The following KIAA0825 variants were observed in gnomAD, a reference collection of about 807,000 sequenced individuals.
KIAA0825 encodes the protein uncharacterized protein KIAA0825.
Under a neutral mutation model 147.6 loss-of-function variants are expected in KIAA0825, and 119 were observed. The ratio of observed to expected loss-of-function variants is 0.81; its 90% CI spans 0.69 to 0.94. The LOEUF is 0.94. Among genes scored for constraint, KIAA0825 ranks in the 40% least tolerant of loss-of-function variants. KIAA0825 has a pLI of 0.00. For synonymous variants in KIAA0825, 470 were observed against 518.1 expected, an observed-to-expected ratio of 0.91 and a Z score of 1.26; for missense variants, 1,381 against 1,472.7, an observed-to-expected ratio of 0.94 and a Z score of 1.02.
chr5:94,340,823 A>G (rs1782294004), intron 20 of KIAA0825, among the ~76,000 whole-genome samples: 1 of 152,248 alleles, frequency 6.6e-6, no homozygotes, highest in African/African-American at 2.4e-5. Context: ...GTAAAATATA[A>G]TAAAATTTTA....
intron 20 of KIAA0825, among the ~76,000 whole-genome samples, chr5:94,183,227 C>A (rs1266149144): frequency 6.6e-6 from 1 of 152,098 alleles, no homozygotes; most frequent in Non-Finnish European, 1.5e-5. Flanking sequence ...ATATACAAAA[C>A]CATGACAACT....
In KIAA0825 at chr5:94,465,026, G is replaced by A. The variant is rs1760307940; in HGVS notation, c.1906C>T (p.His636Tyr). The change falls in exon 11 of 21, where the codon CAT (histidine) becomes TAT (tyrosine). Residue 636 changes from histidine (H) to tyrosine (Y), a missense_variant. By Grantham distance (83) the His-to-Tyr change is moderately conservative. Coordinates refer to ENST00000682413, the MANE Select transcript of KIAA0825 (RefSeq NM_001145678.3). ...ERCSFSIQMW[H>Y]YFCWSLHYDL... The stretch of plus-strand genomic sequence containing the variant: ...TAATGAAGAGACCAGCAGAAATAAT[G>A]CCACATCTGGATCGAGAAGGAACAT... 6.4e-7 allele frequency: 1 copy of A among 1,551,494 alleles called. No individual in the cohort carries two copies. The highest frequency in any genetic ancestry group is 8.7e-7 in the Non-Finnish European group (1 of 1,146,962).
At chr5:94,199,349 G>T (rs1203557333) in intron 20 of KIAA0825, among the ~76,000 whole-genome samples, 4 of 152,166 alleles carry the variant, frequency 2.6e-5, no homozygotes, top group Non-Finnish European at 5.9e-5. Context: ...TCTAACCCTG[G>T]GGGGCAGGGA....
chr5:94,462,373 C>T lies in KIAA0825; in HGVS notation c.2246+14G>A, dbSNP rs1196857724. The T allele has an allele frequency of 1.6e-6, 2 of 1,265,486 alleles. No individual in the cohort carries two copies. Among genetic ancestry groups the T allele is most frequent in the Non-Finnish European group, 2.2e-6 (2 of 922,906 alleles). The allele number at this position is 1,265,486 out of a possible 1,614,324, so 78.4% of individuals were successfully genotyped here. A position where few individuals can be genotyped will look rare whatever the true frequency, so the allele number is the denominator to read the frequency against. On this transcript the variant is annotated intron_variant, in intron 12 of 20. Transcript: ENST00000682413. ...TATCATAATAGCTAAAAGGAAAATACATTTGATACTTACTTATATAATTCT... is the reference window on the plus strand; with the variant it reads ...TATCATAATAGCTAAAAGGAAAATATATTTGATACTTACTTATATAATTCT...
chr5:94,449,592 A>C (rs1758139712), intron 13 of KIAA0825, among the ~76,000 whole-genome samples: 1 of 152,178 alleles, frequency 6.6e-6, no homozygotes, highest in Non-Finnish European at 1.5e-5. Context: ...AAGAAGGATC[A>C]TTTGAAGACA....
chr5:94,547,005 A>G (rs1267230934), intron 2 of KIAA0825, among the ~76,000 whole-genome samples: 1 of 151,894 alleles, frequency 6.6e-6, no homozygotes, highest in African/African-American at 2.4e-5. Flanking sequence ...AGATAACTTT[A>G]ACAAAGAGAT....
chr5:94,516,507 A>G (rs1158876279), intron 5 of KIAA0825, among the ~76,000 whole-genome samples: 2 of 152,248 alleles, frequency 1.3e-5, no homozygotes, highest in African/African-American at 2.4e-5. Flanking sequence ...TGTAACCATT[A>G]AAAAAGAAAA....
chr5:94,560,272 C>A (rs1300564450), intron 2 of KIAA0825, among the ~76,000 whole-genome samples: 2 of 152,142 alleles, frequency 1.3e-5, no homozygotes, highest in East Asian at 1.9e-4. Flanking sequence ...ATTCATGTGT[C>A]TTTTCTCCCA....
chr5:94,530,451 A>T (rs1770565260), intron 3 of KIAA0825, among the ~76,000 whole-genome samples: 1 of 152,012 alleles, frequency 6.6e-6, no homozygotes, highest in South Asian at 2.1e-4. Flanking sequence ...TGCCTGGCTT[A>T]AAGAAAAGTC....
intron 12 of KIAA0825, 96 bp from the exon 13 acceptor site, chr5:94,453,165 ATT>A (rs1053362423): frequency 1.4e-6 from 1 of 690,400 alleles, no homozygotes; most frequent in African/African-American, 1.9e-5. Context: ...TCAGTTAATG[ATT>A]TTTTTTGTTT....
intron 14 of KIAA0825, among the ~76,000 whole-genome samples, chr5:94,429,407 T>C (rs1157168765): frequency 6.6e-6 from 1 of 152,174 alleles, no homozygotes; most frequent in Non-Finnish European, 1.5e-5. Flanking sequence ...CTTTCCCTTT[T>C]CCCCTGTTTC....
At chr5:94,594,951 A>C (rs1351609094) in intron 1 of KIAA0825, among the ~76,000 whole-genome samples, 1 of 151,634 alleles carries the variant, frequency 6.6e-6, no homozygotes, top group Non-Finnish European at 1.5e-5. Context: ...ATGCTGATGT[A>C]AGAGGTGGGC....
Position 94,473,487 on chromosome 5 carries a change from T to G in KIAA0825, c.1260A>C (p.Ala420=), listed in dbSNP as rs1761467232. 6.4e-7 allele frequency: 1 copy of G among 1,551,700 alleles called. No homozygotes were observed. Among genetic ancestry groups the G allele is most frequent in the South Asian group, 1.2e-5 (1 of 84,056 alleles). ...ATLLDFGWRS[A]FKEVSLPMAH... is the part of the protein sequence containing the mutation. ...CCATGGGAAGAGACACTTCTTTAAA[T>G]GCACTTCTCCAGCCAAAATCTAGTA... Residue 420 remains alanine, a synonymous_variant, in exon 8 of 21, where the codon GCA becomes GCC. Coordinates refer to ENST00000682413, the MANE Select transcript of KIAA0825 (RefSeq NM_001145678.3).
At chr5:94,236,215 G>C (rs746814651) in intron 20 of KIAA0825, among the ~76,000 whole-genome samples, 5 of 152,200 alleles carry the variant, frequency 3.3e-5, no homozygotes, top group Non-Finnish European at 7.3e-5. Context: ...ATGCCAATAA[G>C]AACATTTGTG....
At chr5:94,469,147 A>C (rs1760906354) in intron 10 of KIAA0825, among the ~76,000 whole-genome samples, 1 of 152,140 alleles carries the variant, frequency 6.6e-6, no homozygotes, top group Non-Finnish European at 1.5e-5. Flanking sequence ...GAAAATAGGT[A>C]AACTATAACT....
chr5:94,204,564 T>C (rs758983141), intron 20 of KIAA0825, among the ~76,000 whole-genome samples: 1 of 152,226 alleles, frequency 6.6e-6, no homozygotes, highest in African/African-American at 2.4e-5. Flanking sequence ...TAAATTTCTT[T>C]AGCTTCCTTT....
At chr5:94,253,849 T>C (rs948021999) in intron 20 of KIAA0825, among the ~76,000 whole-genome samples, 1 of 152,150 alleles carries the variant, frequency 6.6e-6, no homozygotes, top group Non-Finnish European at 1.5e-5. Flanking sequence ...GGTAAAGTTA[T>C]GAGCTCAGTG....
At chr5:94,415,320 A>C (rs1562474898) in intron 15 of KIAA0825, 1 of 152,134 alleles carries the variant, frequency 6.6e-6, no homozygotes, top group Non-Finnish European at 1.5e-5. Flanking sequence ...TGAAGCATAG[A>C]TCTATTAGTA....
intron 1 of KIAA0825, among the ~76,000 whole-genome samples, chr5:94,608,212 G>T (rs1239519652): frequency 1.3e-5 from 2 of 150,218 alleles, no homozygotes; most frequent in Admixed American, 1.3e-4. Flanking sequence ...TGCCAGGTTT[G>T]CTTATGTCTT....
Sources: allele counts gnomAD v4.1 joint callset (sites outside exome capture counted in the v4.1 genomes callset), GRCh38; gene constraint gnomAD v4.1.1; transcripts MANE v1.5; gene names NCBI Gene and HGNC (gene_info 2026-07-23, HGNC 2026-07-21).